Variants in MALRD1 observed in about 807,000 individuals in gnomAD.
The protein encoded by MALRD1 is MAM and LDL-receptor class A domain-containing protein 1.
MALRD1 carries 247 observed loss-of-function variants against 242.1 expected under a neutral mutation model. The observed-to-expected ratio is 1.02, with a 90% CI of 0.92 to 1.13. MALRD1 has a LOEUF of 1.13. Ranked by LOEUF, MALRD1 falls within the 50% of genes most tolerant of loss-of-function variation. The pLI is 0.00. For synonymous variants in MALRD1, 995 were observed against 866.6 expected, an observed-to-expected ratio of 1.15 and a Z score of -2.60; for missense variants, 2,989 against 2,533.1, an observed-to-expected ratio of 1.18 and a Z score of -3.86.
At chr10:19,474,500 A>C (rs184320861) in intron 29 of MALRD1, among the ~76,000 whole-genome samples, 2 of 152,034 alleles carry the variant, frequency 1.3e-5, no homozygotes, top group Non-Finnish European at 2.9e-5. Flanking sequence ...TCTACTATAC[A>C]TTTCGACACA....
At chr10:19,661,790 A>G (rs1312833089) in intron 36 of MALRD1, among the ~76,000 whole-genome samples, 1 of 152,182 alleles carries the variant, frequency 6.6e-6, no homozygotes, top group African/African-American at 2.4e-5. Context: ...ATAATTTTAA[A>G]AAAAAAGAAT....
chr10:19,060,941 A>C (rs749484865), intron 1 of MALRD1, among the ~76,000 whole-genome samples: 2 of 152,204 alleles, frequency 1.3e-5, no homozygotes, highest in Admixed American at 6.5e-5. Flanking sequence ...TGTAGCCATA[A>C]AAAGGAATGT....
At chr10:19,404,721 A>G (rs114063883) in intron 28 of MALRD1, among the ~76,000 whole-genome samples, 4,398 of 152,212 alleles carry the variant, frequency 0.029, 91 homozygotes, top group African/African-American at 0.055. Context: ...CACATACTGC[A>G]CATTACTTAA....
intron 29 of MALRD1, chr10:19,489,213 A>G (rs1159771223): frequency 2.1e-6 from 1 of 473,874 alleles, no homozygotes; most frequent in Non-Finnish European, 4.3e-6. Flanking sequence ...AAGCCGAAAA[A>G]GGCAGCAGCG....
chr10:19,306,885 C>T (rs1842235555), intron 21 of MALRD1, among the ~76,000 whole-genome samples: 1 of 151,302 alleles, frequency 6.6e-6, no homozygotes, highest in Admixed American at 6.6e-5. Flanking sequence ...AGAACAGTAG[C>T]ATGGGAGTAA....
At chr10:19,058,311 T>C (rs1834726504) in intron 1 of MALRD1, among the ~76,000 whole-genome samples, 1 of 152,192 alleles carries the variant, frequency 6.6e-6, no homozygotes, top group Admixed American at 6.5e-5. Flanking sequence ...TGAGGCAATT[T>C]CATGAAATAC....
intron 5 of MALRD1, among the ~76,000 whole-genome samples, chr10:19,116,925 T>C (rs937118166): frequency 6.6e-6 from 1 of 151,638 alleles, no homozygotes; most frequent in Non-Finnish European, 1.5e-5. Flanking sequence ...CGAAACCCTA[T>C]CTCTACTAAA....
chr10:19,105,994 T>G (rs952703572), intron 5 of MALRD1, among the ~76,000 whole-genome samples: 4 of 151,966 alleles, frequency 2.6e-5, no homozygotes, highest in Non-Finnish European at 4.4e-5. Flanking sequence ...GTTTCCTTTG[T>G]TGTACAGAAG....
intron 28 of MALRD1, among the ~76,000 whole-genome samples, chr10:19,439,447 G>A (rs190640260): frequency 8.2e-4 from 125 of 152,200 alleles, no homozygotes; most frequent in African/African-American, 3.0e-3. Context: ...TGAGGCAGGA[G>A]GATCACTTAT....
chr10:19,256,721 A>G (rs1839529708), intron 18 of MALRD1, among the ~76,000 whole-genome samples: 1 of 152,114 alleles, frequency 6.6e-6, no homozygotes, highest in Admixed American at 6.6e-5. Flanking sequence ...TTGACCTTTT[A>G]AAACTTTCTT....
chr10:19,499,514 T>C (rs1373319889), intron 31 of MALRD1, among the ~76,000 whole-genome samples: 1 of 151,882 alleles, frequency 6.6e-6, no homozygotes, highest in Non-Finnish European at 1.5e-5. Context: ...AGATTTCATC[T>C]GCACCATGGG....
At chr10:19,074,233 A>G (rs142102656) in intron 2 of MALRD1, among the ~76,000 whole-genome samples, 8 of 152,210 alleles carry the variant, frequency 5.3e-5, no homozygotes, top group African/African-American at 1.2e-4. Context: ...CCACTGTCCA[A>G]CCAGGCAGCA....
intron 2 of MALRD1, among the ~76,000 whole-genome samples, chr10:19,080,669 A>G (rs1284149246): frequency 6.6e-6 from 1 of 152,098 alleles, no homozygotes; most frequent in East Asian, 1.9e-4. Flanking sequence ...AACATTCTAG[A>G]AGGAAATCCA....
intron 34 of MALRD1, among the ~76,000 whole-genome samples, chr10:19,598,912 G>C (rs1285249043): frequency 6.6e-6 from 1 of 152,104 alleles, no homozygotes; most frequent in Non-Finnish European, 1.5e-5. Flanking sequence ...AAATCCTTTA[G>C]TATCAAAATA....
At chr10:19,537,382 TC>T (rs1157280473) in intron 32 of MALRD1, among the ~76,000 whole-genome samples, 1 of 151,978 alleles carries the variant, frequency 6.6e-6, no homozygotes, top group Admixed American at 6.5e-5. Context: ...TAAATTTATT[TC>T]TTATAGTTCT....
intron 26 of MALRD1, among the ~76,000 whole-genome samples, chr10:19,379,886 G>A (rs1182858231): frequency 2.6e-5 from 4 of 151,830 alleles, no homozygotes; most frequent in African/African-American, 9.7e-5. Flanking sequence ...AAATAACCTT[G>A]CAGTTTTGGT....
At chr10:19,161,969 A>T (rs911243755) in intron 12 of MALRD1, among the ~76,000 whole-genome samples, 2 of 152,040 alleles carry the variant, frequency 1.3e-5, no homozygotes, top group African/African-American at 4.8e-5. Context: ...TGGAGGCTGC[A>T]GTGAGCCGTG....
intron 36 of MALRD1, among the ~76,000 whole-genome samples, chr10:19,625,519 C>T (rs544217203): frequency 9.9e-4 from 151 of 151,804 alleles, no homozygotes; most frequent in African/African-American, 3.3e-3. Context: ...GTGCAGTGTA[C>T]GAAAAAGGAA....
At chr10:19,329,956 A>T (rs1317556686) in intron 23 of MALRD1, among the ~76,000 whole-genome samples, 1 of 152,210 alleles carries the variant, frequency 6.6e-6, no homozygotes, top group African/African-American at 2.4e-5. Flanking sequence ...CACTCATTGC[A>T]TTATCTGATT....
Sources: gnomAD v4.1 joint callset for allele counts (sites outside exome capture counted in the v4.1 genomes callset) on GRCh38, gnomAD v4.1.1 for gene constraint, MANE v1.5 for transcripts, NCBI Gene and HGNC (gene_info 2026-07-23, HGNC 2026-07-21) for gene names.